The following TTC9B variants were observed in gnomAD, a reference collection of about 807,000 sequenced individuals.
TTC9B encodes tetratricopeptide repeat domain 9B, also known as tetratricopeptide repeat protein 9B.
TTC9B carries 12 observed loss-of-function variants against 19.4 expected under a neutral mutation model. The observed-to-expected ratio is 0.62, with a 90% CI of 0.40 to 1.00. The LOEUF (loss-of-function observed/expected upper bound fraction) is 1.00. TTC9B is among the 50% of genes least tolerant of loss of function. The pLI is 0.00. For missense variants in TTC9B, 316 were observed against 345.2 expected, an observed-to-expected ratio of 0.92 and a Z score of 0.67; for synonymous variants, 156 against 158.6, an observed-to-expected ratio of 0.98 and a Z score of 0.12.
rs996775511 is a variant in TTC9B at position 40,218,249 on chromosome 19, C to T, written c.133G>A (p.Gly45Ser). 9 of 1,484,050 alleles carry T rather than the reference C, an allele frequency of 6.1e-6. No individual in the cohort carries two copies. Among genetic ancestry groups the T allele is most frequent in the East Asian group, 5.9e-5 (2 of 33,760 alleles). The allele number at this position is 1,484,050 out of a possible 1,614,324, so 91.9% of individuals were successfully genotyped here. A position where few individuals can be genotyped will look rare whatever the true frequency, so the allele number is the denominator to read the frequency against. Residue 45 changes from glycine (G) to serine (S), a missense_variant, in exon 1 of 3, where the codon GGT (glycine) becomes AGT (serine). By Grantham distance (56) the Gly-to-Ser change is moderately conservative (BLOSUM62 0). Coordinates refer to ENST00000311308, the MANE Select transcript of TTC9B (RefSeq NM_152479.6). The surrounding 1 kb of genome is among the most constrained non-coding windows in gnomAD (Gnocchi z 4.2). ...SGSRHGSARPGPTPEPSGSLG... is the reference protein window; with the variant it reads ...SGSRHGSARPSPTPEPSGSLG... ...CTCCCCGACGGCTCTGGGGTAGGAC[C>T]GGGACGAGCCGAGCCATGGCGGGAG...
In TTC9B at chr19:40,218,104, A is replaced by G; in HGVS notation, c.278T>C (p.Leu93Pro). ...GGCCCCCTGCGCCGCCTTCAGCTGC[A>G]GCAGCGCTCGGTGGTACTTGCCGAT... is the stretch of plus-strand genomic sequence containing the variant. Reference protein sequence around the residue: ...EAIGKYHRALLQLKAAQGARP... With the variant: ...EAIGKYHRALPQLKAAQGARP... The change falls in exon 1 of 3, where the codon CTG becomes CCG. Residue 93 changes from leucine (L) to proline (P), a missense_variant. Physicochemically the swap from Leu to Pro is moderately conservative, Grantham distance 98. Coordinates refer to ENST00000311308, the MANE Select transcript of TTC9B (RefSeq NM_152479.6). This position sits in a 1 kb window ranked among gnomAD's most constrained non-coding sequence, Gnocchi z 4.2. 1.3e-6 allele frequency: 2 copies of G among 1,565,658 alleles called. No homozygotes were observed. Among genetic ancestry groups the G allele is most frequent in the Non-Finnish European group, 1.7e-6 (2 of 1,161,346 alleles).
chr19:40,217,915 CTCCCCTCGTGCCCCA>C, intron 1 of TTC9B, 25 bp downstream of exon 1: 1 of 1,341,878 alleles, frequency 7.5e-7, no homozygotes, highest in Admixed American at 2.8e-5. Flanking sequence ...CGATTGCCCC[CTCCCCTCGTGCCCCA>C]TCCCCCCACC....
intron 2 of TTC9B, chr19:40,216,884 G>A: frequency 1.9e-6 from 1 of 521,448 alleles, no homozygotes; most frequent in Non-Finnish European, 3.5e-6. Context: ...GGTGGATAGG[G>A]AAGTGACTGA....
rs961066773 is a variant in TTC9B, at chr19:40,216,103, G to A, written c.*60C>T. On this transcript the variant is annotated 3_prime_UTR_variant, in exon 3 of 3. Transcript: ENST00000311308. ...TGTTTTACCAACAAACACATGAGTC[G>A]GGGGAAGTTACATGGTGAGGTGGGA... 8 of 1,338,816 alleles carry A rather than the reference G, an allele frequency of 6.0e-6. No homozygotes were observed. The highest frequency in any genetic ancestry group is 3.4e-5 in the Admixed American group (2 of 59,422). The allele number at this position is 1,338,816 out of a possible 1,614,324, so 82.9% of individuals were successfully genotyped here. A position where few individuals can be genotyped will look rare whatever the true frequency, so the allele number is the denominator to read the frequency against.
In TTC9B at chr19:40,218,348, G is replaced by A. The variant is rs75353755; in HGVS notation, c.34C>T (p.Leu12Phe). ...GGCGGAGGCTCCGGGGCAGCGCTGA[G>A]CATCAGCACCGGGGACAGCGCGCCG... ...QRGALSPVLMLSAAPEPPPRP... is the reference protein window; with the variant it reads ...QRGALSPVLMFSAAPEPPPRP... The change falls in exon 1 of 3, where the codon CTC becomes TTC. Residue 12 changes from leucine to phenylalanine, a missense_variant. Coordinates refer to ENST00000311308, the MANE Select transcript of TTC9B (RefSeq NM_152479.6). This position sits in a 1 kb window ranked among gnomAD's most constrained non-coding sequence, Gnocchi z 4.2. The A allele has an allele frequency of 3.4e-4, 464 of 1,347,338 alleles. No homozygotes were observed. Among genetic ancestry groups the A allele is most frequent in the Non-Finnish European group, 4.2e-4 (448 of 1,057,084 alleles). 83.5% of individuals were successfully genotyped at this position (1,347,338 alleles called of 1,614,324 possible).
In TTC9B at chr19:40,218,046, C is replaced by T. The variant is rs1973396070; in HGVS notation, c.336G>A (p.Gly112=). 3.3e-6 allele frequency: 5 copies of T among 1,494,696 alleles called. No individual in the cohort carries two copies. The Admixed American group carries it at 9.5e-5, about 28-fold the overall frequency. The allele number at this position is 1,494,696 out of a possible 1,614,324, so 92.6% of individuals were successfully genotyped here. The change falls in exon 1 of 3, where the codon GGG becomes GGA. Residue 112 remains glycine (G), a synonymous_variant. Coordinates refer to ENST00000311308, the MANE Select transcript of TTC9B (RefSeq NM_152479.6). The surrounding 1 kb of genome is among the most constrained non-coding windows in gnomAD (Gnocchi z 4.2). ...GCGCCGGCCCGGGGCTGCTGGTGGG[C>T]CCGGGGGCGGGGGCGGGCAGGCCGC... ...RPSGLPAPAP[G]PTSSPGPARL...
chr19:40,217,540 C>CT, intron 1 of TTC9B, 171 bp from the exon 2 acceptor site: 3 of 847,310 alleles, frequency 3.5e-6, no homozygotes, highest in South Asian at 3.8e-5. Flanking sequence ...TGCGCCGCTG[C>CT]TAGGGGGCGC....
chr19:40,216,849 G>A (rs1034687986), intron 2 of TTC9B: 7 of 455,140 alleles, frequency 1.5e-5, no homozygotes, highest in Middle Eastern at 5.9e-4. Context: ...GGCAGGGGTG[G>A]GACGGGGTAA....
At chr19:40,217,717 G>C (rs889012885) in intron 1 of TTC9B, 2 of 530,884 alleles carry the variant, frequency 3.8e-6, no homozygotes, top group Non-Finnish European at 6.5e-6. Context: ...ATGACTCAGG[G>C]GAAGCGAGGC....
intron 1 of TTC9B, 152 bp downstream of exon 1, chr19:40,217,803 C>G: frequency 1.4e-6 from 1 of 701,314 alleles, no homozygotes; most frequent in Non-Finnish European, 2.2e-6. Flanking sequence ...TCCCCTACCC[C>G]TAATCCCTTT....
chr19:40,217,564 G>A, intron 1 of TTC9B, 195 bp from the exon 2 acceptor site: 1 of 678,598 alleles, frequency 1.5e-6, no homozygotes, highest in Non-Finnish European at 2.4e-6. Flanking sequence ...AACACGGACA[G>A]GCGCCACTGG....
rs979690257 is a variant in TTC9B, at chr19:40,218,324, G to A, written c.58C>T (p.Pro20Ser). The change falls in exon 1 of 3, where the codon CCG becomes TCG. Residue 20 changes from proline to serine, a missense_variant. Physicochemically the swap from Pro to Ser is moderately conservative, Grantham distance 74 (BLOSUM62 -1). Transcript: ENST00000311308. This position sits in a 1 kb window ranked among gnomAD's most constrained non-coding sequence, Gnocchi z 4.2. ...LMLSAAPEPPPRPPPALSPPG... is the reference protein window; with the variant it reads ...LMLSAAPEPPSRPPPALSPPG... ...GGGGAGAGGGCGGGAGGCGGGCGCG[G>A]CGGAGGCTCCGGGGCAGCGCTGAGC... is the stretch of plus-strand genomic sequence containing the variant. 4.4e-5 allele frequency: 60 copies of A among 1,365,986 alleles called. No individual in the cohort carries two copies. Among genetic ancestry groups the A allele is most frequent in the Non-Finnish European group, 5.5e-5 (59 of 1,068,402 alleles). 84.6% of individuals were successfully genotyped at this position (1,365,986 alleles called of 1,614,324 possible).
chr19:40,217,949 G>T lies in TTC9B; in HGVS notation c.427+6C>A. 7.1e-7 allele frequency: 1 copy of T among 1,413,992 alleles called. No homozygotes were observed. Among genetic ancestry groups the T allele is most frequent in the Non-Finnish European group, 9.2e-7 (1 of 1,081,784 alleles). The allele number at this position is 1,413,992 out of a possible 1,614,324, so 87.6% of individuals were successfully genotyped here. A position where few individuals can be genotyped will look rare whatever the true frequency, so the allele number is the denominator to read the frequency against. ...TGCCCCATCCCCCCACCCCCCGACG[G>T]CGTACCCGTGAGGGAGTCGTAACAC... On this transcript the variant is annotated splice_donor_region_variant and intron_variant, in intron 1 of 2. Coordinates refer to ENST00000311308, the MANE Select transcript of TTC9B (RefSeq NM_152479.6).
Position 40,217,473 on chromosome 19 carries a change from G to C in TTC9B, c.428-104C>G. The stretch of plus-strand genomic sequence containing the variant: ...CCAGGCGGCAGGGAACCAGGCCTAA[G>C]GGATTGCTCCGGCAACCAGGGGCGC... On this transcript the variant is annotated intron_variant, in intron 1 of 2. Coordinates refer to ENST00000311308, the MANE Select transcript of TTC9B (RefSeq NM_152479.6). 2.1e-6 allele frequency: 3 copies of C among 1,403,410 alleles called. No individual in the cohort carries two copies. In the South Asian group the frequency reaches 4.3e-5, roughly 20 times the overall value. The allele number at this position is 1,403,410 out of a possible 1,614,324, so 86.9% of individuals were successfully genotyped here.
At chr19:40,216,615 C>G (rs759698145) in intron 2 of TTC9B, 1 of 362,236 alleles carries the variant, frequency 2.8e-6, no homozygotes, top group Non-Finnish European at 5.2e-6. Flanking sequence ...TCCCACAACC[C>G]TGCACCTGTT....
chr19:40,217,049 G>T, intron 2 of TTC9B, 138 bp downstream of exon 2: 2 of 934,844 alleles, frequency 2.1e-6, no homozygotes, highest in South Asian at 1.7e-5. Flanking sequence ...TAGGTGGGTG[G>T]CGCAGCCCTA....
chr19:40,218,037 GC>G lies in TTC9B; in HGVS notation c.344del (p.Ser115ThrfsTer37). ...CGCTGAGGCGCGCCGGCCCGGGGCT[GC>G]TGGTGGGCCCGGGGGCGGGGGCGGG... ...GLPAPAPGPT[S>X]SPGPARLSEE... On this transcript the variant is annotated frameshift_variant, in exon 1 of 3. Coordinates refer to ENST00000311308, the MANE Select transcript of TTC9B (RefSeq NM_152479.6). LOFTEE classifies it high-confidence loss of function. The surrounding 1 kb of genome is among the most constrained non-coding windows in gnomAD (Gnocchi z 4.2). 2.7e-6 allele frequency: 4 copies of G among 1,489,058 alleles called. No homozygotes were observed. The highest frequency in any genetic ancestry group is 3.6e-6 in the Non-Finnish European group (4 of 1,123,632). The allele number at this position is 1,489,058 out of a possible 1,614,324, so 92.2% of individuals were successfully genotyped here. A position where few individuals can be genotyped will look rare whatever the true frequency, so the allele number is the denominator to read the frequency against.
Position 40,216,256 on chromosome 19 carries a change from G to A in TTC9B, c.627C>T (p.Arg209=), listed in dbSNP as rs1269916331. 6.2e-7 allele frequency: 1 copy of A among 1,613,968 alleles called. No homozygotes were observed. The highest frequency in any genetic ancestry group is 1.3e-5 in the African/African-American group (1 of 74,936). The change falls in exon 3 of 3, where the codon CGC becomes CGT. Residue 209 remains arginine, a synonymous_variant. Transcript: ENST00000311308. ...SREPTDTNVL[R]YIQLTQLKMN... is the part of the protein sequence containing the mutation. Reference sequence around the variant, plus strand: ...TCTTCAGCTGAGTCAGCTGGATGTAGCGGAGCACATTGGTGTCTGCAGGGG... The same window carrying A: ...TCTTCAGCTGAGTCAGCTGGATGTAACGGAGCACATTGGTGTCTGCAGGGG...
In TTC9B at chr19:40,218,295, C is replaced by T. The variant is rs750856266; in HGVS notation, c.87G>A (p.Pro29=). ...PPRPPPALSP[P]GSGPGSGSRH... is the part of the protein sequence containing the mutation. Reference sequence around the variant, plus strand: ...GGGAGCCCGAGCCTGGGCCCGAGCCCGGTGGGGAGAGGGCGGGAGGCGGGC... The same window carrying T: ...GGGAGCCCGAGCCTGGGCCCGAGCCTGGTGGGGAGAGGGCGGGAGGCGGGC... The change falls in exon 1 of 3, where the codon CCG becomes CCA. Residue 29 remains proline (P), a synonymous_variant. Transcript: ENST00000311308. The surrounding 1 kb of genome is among the most constrained non-coding windows in gnomAD (Gnocchi z 4.2). 5.0e-6 allele frequency: 7 copies of T among 1,411,738 alleles called. No individual in the cohort carries two copies. Among genetic ancestry groups the T allele is most frequent in the Non-Finnish European group, 5.5e-6 (6 of 1,090,372 alleles). 87.5% of individuals were successfully genotyped at this position (1,411,738 alleles called of 1,614,324 possible). A position where few individuals can be genotyped will look rare whatever the true frequency, so the allele number is the denominator to read the frequency against.
Sources: gnomAD v4.1 joint callset for allele counts on GRCh38, gnomAD v4.1.1 for gene constraint, Gnocchi (gnomAD v3.1) non-coding constraint, MANE v1.5 for transcripts, NCBI Gene and HGNC (gene_info 2026-07-23, HGNC 2026-07-21) for gene names.